Variants in PSMB2 observed in about 807,000 individuals in gnomAD.
PSMB2 encodes the protein proteasome 20S subunit beta 2.
Under a neutral mutation model 25.7 loss-of-function variants are expected in PSMB2, and 13 were observed. The ratio of observed to expected loss-of-function variants is 0.51; its 90% CI spans 0.33 to 0.80. The LOEUF is 0.80. Ranked by LOEUF, PSMB2 falls within the 30% of genes least tolerant of loss-of-function variation. The pLI, the probability that PSMB2 is intolerant of heterozygous loss-of-function variation, is 0.02. For synonymous variants in PSMB2, 87 were observed against 96.2 expected, an observed-to-expected ratio of 0.90 and a Z score of 0.56; for missense variants, 202 against 259.0, an observed-to-expected ratio of 0.78 and a Z score of 1.51.
In PSMB2 at chr1:35,602,018, A is replaced by G; in HGVS notation, c.*1249T>C. ...AATCTCTAATATAGTGTTAAGTGAAATAAGCAATATGCAGAACTTAAAAAT... is the reference window on the plus strand; with the variant it reads ...AATCTCTAATATAGTGTTAAGTGAAGTAAGCAATATGCAGAACTTAAAAAT... On this transcript the variant is annotated 3_prime_UTR_variant, in exon 6 of 6. Coordinates refer to ENST00000373237, the MANE Select transcript of PSMB2 (RefSeq NM_002794.5). 7.9e-6 allele frequency: 6 copies of G among 760,508 alleles called. No homozygotes were observed. The highest frequency in any genetic ancestry group is 9.6e-6 in the Non-Finnish European group (6 of 625,092). 47.1% of individuals were successfully genotyped at this position (760,508 alleles called of 1,614,324 possible).
chr1:35,607,672 C>A (rs114719281), intron 4 of PSMB2, among the ~76,000 whole-genome samples: 2,576 of 152,212 alleles, frequency 0.017, 61 homozygotes, highest in African/African-American at 0.059. Context: ...AATCCCACTA[C>A]TGGGAATTTA....
chr1:35,634,533 C>T (rs1181433733), intron 2 of PSMB2, among the ~76,000 whole-genome samples: 3 of 152,006 alleles, frequency 2.0e-5, no homozygotes, highest in Non-Finnish European at 2.9e-5. Flanking sequence ...TGCACCACTG[C>T]ACCCAGGTAA....
intron 3 of PSMB2, among the ~76,000 whole-genome samples, chr1:35,628,631 A>ATTTTTTTTTTTTTTTTTTT (rs138110586): frequency 2.6e-5 from 1 of 38,086 alleles, no homozygotes; most frequent in African/African-American, 1.3e-4. Flanking sequence ...ATATATATAT[A>ATTTTTTTTTTTTTTTTTTT]TTTTTTTTTT....
intron 3 of PSMB2, among the ~76,000 whole-genome samples, chr1:35,610,191 C>T (rs528592773): frequency 3.3e-5 from 5 of 152,312 alleles, no homozygotes; most frequent in African/African-American, 9.6e-5. Context: ...ATAATCTCAG[C>T]ACTTTGGGAA....
At chr1:35,640,513 AAAG>A (rs1176566384) in intron 1 of PSMB2, among the ~76,000 whole-genome samples, 2 of 152,220 alleles carry the variant, frequency 1.3e-5, no homozygotes, top group East Asian at 1.9e-4. Context: ...GAAAACTGGA[AAAG>A]AAGAATCGGG....
intron 4 of PSMB2, among the ~76,000 whole-genome samples, chr1:35,606,564 GA>G (rs1422039701): frequency 6.6e-6 from 1 of 152,118 alleles, no homozygotes; most frequent in African/African-American, 2.4e-5. Context: ...CAAGCGAATG[GA>G]AATACATCTC....
intron 3 of PSMB2, among the ~76,000 whole-genome samples, chr1:35,626,273 ATC>A (rs1049985574): frequency 6.6e-6 from 1 of 152,124 alleles, no homozygotes; most frequent in African/African-American, 2.4e-5. Context: ...TTTTTTCCCC[ATC>A]TGTCTTTTTT....
In PSMB2 at chr1:35,636,294, T is replaced by C. The variant is rs763002627; in HGVS notation, c.214+16A>G. 196 of 1,613,782 alleles carry C rather than the reference T, an allele frequency of 1.2e-4. 1 individual carries two copies. The highest frequency in any genetic ancestry group is 1.6e-4 in the Non-Finnish European group (188 of 1,179,876). ...AGTAAACTCATATGCCAACTAAAAC[T>C]GTAAGTCTTACCCACCATTTCGCAT... On this transcript the variant is annotated intron_variant, in intron 2 of 5. Transcript: ENST00000373237.
intron 3 of PSMB2, among the ~76,000 whole-genome samples, chr1:35,630,494 T>C (rs943980817): frequency 2.0e-5 from 3 of 152,114 alleles, no homozygotes; most frequent in Non-Finnish European, 2.9e-5. Context: ...GACAATGGAG[T>C]ATTTTTCAAT....
intron 3 of PSMB2, among the ~76,000 whole-genome samples, chr1:35,622,750 G>A (rs1405953207): frequency 6.6e-6 from 1 of 151,368 alleles, no homozygotes; most frequent in Non-Finnish European, 1.5e-5. Context: ...GGGAAGGGGA[G>A]GGGGAGGACT....
At chr1:35,614,628 A>G (rs1009399116) in intron 3 of PSMB2, among the ~76,000 whole-genome samples, 4 of 152,224 alleles carry the variant, frequency 2.6e-5, no homozygotes, top group African/African-American at 9.7e-5. Flanking sequence ...ATTAACCTAA[A>G]TATCCAAACA....
At chr1:35,620,980 G>A (rs973601157) in intron 3 of PSMB2, among the ~76,000 whole-genome samples, 14 of 151,458 alleles carry the variant, frequency 9.2e-5, no homozygotes, top group African/African-American at 2.4e-4. Context: ...TTAGATTATC[G>A]ATTTTATGTA....
intron 3 of PSMB2, among the ~76,000 whole-genome samples, chr1:35,612,789 A>C (rs1221952042): frequency 6.6e-6 from 1 of 152,202 alleles, no homozygotes; most frequent in Non-Finnish European, 1.5e-5. Context: ...AATTTCATCA[A>C]GTTGCAATGG....
chr1:35,626,120 G>A (rs563197585), intron 3 of PSMB2, among the ~76,000 whole-genome samples: 40 of 152,304 alleles, frequency 2.6e-4, no homozygotes, highest in African/African-American at 9.1e-4. Flanking sequence ...TTACCGGCAT[G>A]AGCCACTGTG....
chr1:35,605,327 T>C, intron 4 of PSMB2, 45 bp from the exon 5 acceptor site: 2 of 1,569,284 alleles, frequency 1.3e-6, no homozygotes, highest in South Asian at 1.1e-5. Flanking sequence ...GCTGTCATTA[T>C]ATCCAACTCT....
At chr1:35,628,183 A>G (rs1650921333) in intron 3 of PSMB2, among the ~76,000 whole-genome samples, 1 of 152,134 alleles carries the variant, frequency 6.6e-6, no homozygotes, top group Admixed American at 6.6e-5. Flanking sequence ...GACCTACTGG[A>G]AAAGCTCAGG....
Position 35,636,305 on chromosome 1 carries a change from C to T in PSMB2, c.214+5G>A. ...ATGCCAACTAAAACTGTAAGTCTTA[C>T]CCACCATTTCGCATCTTATAAAGTT... On this transcript the variant is annotated splice_donor_5th_base_variant and intron_variant, in intron 2 of 5. Transcript: ENST00000373237. The T allele has an allele frequency of 1.2e-6, 2 of 1,613,970 alleles. No individual in the cohort carries two copies. Among genetic ancestry groups the T allele is most frequent in the Non-Finnish European group, 1.7e-6 (2 of 1,179,906 alleles).
intron 1 of PSMB2, among the ~76,000 whole-genome samples, chr1:35,640,270 C>A (rs887925468): frequency 6.6e-6 from 1 of 152,170 alleles, no homozygotes; most frequent in Non-Finnish European, 1.5e-5. Context: ...TGGGCACCTA[C>A]GTACACTTAG....
At chr1:35,628,754 C>T (rs1650994570) in intron 3 of PSMB2, among the ~76,000 whole-genome samples, 1 of 149,450 alleles carries the variant, frequency 6.7e-6, no homozygotes, top group South Asian at 2.1e-4. Context: ...CTTCATGATC[C>T]CTCAGATTGT....
Sources: gnomAD v4.1 joint callset for allele counts (sites outside exome capture counted in the v4.1 genomes callset) on GRCh38, gnomAD v4.1.1 for gene constraint, MANE v1.5 for transcripts, NCBI Gene and HGNC (gene_info 2026-07-23, HGNC 2026-07-21) for gene names.